BRINP3: variants seen among roughly 807,000 people sequenced by gnomAD.
BRINP3 encodes BMP/retinoic acid-inducible neural-specific protein 3.
Under a neutral mutation model 71.0 loss-of-function variants are expected in BRINP3, and 19 were observed. The observed-to-expected ratio is 0.27, with a 90% CI of 0.19 to 0.39. The LOEUF (loss-of-function observed/expected upper bound fraction) is 0.39, where lower values mean the gene tolerates loss of function less well. Ranked by LOEUF, BRINP3 falls within the 10% of genes least tolerant of loss-of-function variation. The pLI, the probability that BRINP3 is intolerant of heterozygous loss-of-function variation, is 1.00. For missense variants in BRINP3, 959 were observed against 940.8 expected, an observed-to-expected ratio of 1.02 and a Z score of -0.25; for synonymous variants, 380 against 337.7, an observed-to-expected ratio of 1.13 and a Z score of -1.37.
chr1:190,381,909 T>A (rs1670572992), intron 2 of BRINP3, among the ~76,000 whole-genome samples: 1 of 152,176 alleles, frequency 6.6e-6, no homozygotes, highest in African/African-American at 2.4e-5. Context: ...TTGTCAGAAT[T>A]AAGCCTAAAT....
intron 2 of BRINP3, among the ~76,000 whole-genome samples, chr1:190,373,432 ATATGTGTGTG>A (rs961845180): frequency 4.6e-5 from 6 of 130,412 alleles, no homozygotes; most frequent in Admixed American, 1.5e-4. Flanking sequence ...TTATATATAT[ATATGTGTGTG>A]TGTGTGTGTG....
chr1:190,215,124 C>T (rs909176366), intron 6 of BRINP3, among the ~76,000 whole-genome samples: 3 of 149,752 alleles, frequency 2.0e-5, no homozygotes, highest in Admixed American at 6.7e-5. Flanking sequence ...TGAAATCTTG[C>T]GTCTCCCCCA....
intron 2 of BRINP3, among the ~76,000 whole-genome samples, chr1:190,283,282 C>T (rs915412415): frequency 1.2e-4 from 18 of 151,982 alleles, no homozygotes; most frequent in Non-Finnish European, 2.1e-4. Flanking sequence ...CTATCAGAAT[C>T]ACCTGGAAAC....
At chr1:190,359,343 T>C (rs1668975788) in intron 2 of BRINP3, among the ~76,000 whole-genome samples, 1 of 152,034 alleles carries the variant, frequency 6.6e-6, no homozygotes. Context: ...ACTGACCATA[T>C]CAGAAAGACC....
intron 6 of BRINP3, among the ~76,000 whole-genome samples, chr1:190,184,124 C>G (rs1653291598): frequency 6.6e-6 from 1 of 152,138 alleles, no homozygotes; most frequent in South Asian, 2.1e-4. Context: ...TATTTCTTCT[C>G]ATGTCCTATA....
intron 2 of BRINP3, among the ~76,000 whole-genome samples, chr1:190,323,281 G>A (rs1206309771): frequency 1.3e-5 from 2 of 151,790 alleles, no homozygotes; most frequent in Non-Finnish European, 2.9e-5. Flanking sequence ...TTTCTTGTTA[G>A]CATAACTGGA....
intron 2 of BRINP3, among the ~76,000 whole-genome samples, chr1:190,438,879 A>G (rs1180214526): frequency 6.6e-6 from 1 of 151,902 alleles, no homozygotes; most frequent in Non-Finnish European, 1.5e-5. Context: ...TATCACCTCT[A>G]TTGTGGAAGT....
intron 2 of BRINP3, among the ~76,000 whole-genome samples, chr1:190,322,241 G>T (rs1666293141): frequency 6.6e-6 from 1 of 151,914 alleles, no homozygotes. Flanking sequence ...GTTCAGGAAG[G>T]GGCTGGGAAA....
At chr1:190,193,173 T>C (rs529048982) in intron 6 of BRINP3, among the ~76,000 whole-genome samples, 1 of 152,134 alleles carries the variant, frequency 6.6e-6, no homozygotes, top group Non-Finnish European at 1.5e-5. Flanking sequence ...CTGAATGACT[T>C]AATGGGCTTC....
chr1:190,378,145 G>A (rs1171339), intron 2 of BRINP3, among the ~76,000 whole-genome samples: 55,069 of 151,852 alleles, frequency 0.36, 11,030 homozygotes, highest in Admixed American at 0.48. Flanking sequence ...ACCAAACATG[G>A]AAATTACCTC....
intron 2 of BRINP3, among the ~76,000 whole-genome samples, chr1:190,308,608 A>G (rs916264118): frequency 3.9e-5 from 6 of 151,972 alleles, no homozygotes; most frequent in African/African-American, 9.6e-5. Flanking sequence ...AAACCTGCAC[A>G]TTGTGCACAT....
At chr1:190,249,738 G>A (rs1009033312) in intron 4 of BRINP3, among the ~76,000 whole-genome samples, 1 of 151,804 alleles carries the variant, frequency 6.6e-6, no homozygotes, top group African/African-American at 2.4e-5. Context: ...ACGTGAAGGT[G>A]AGAGTACATT....
At chr1:190,343,077 C>G (rs1191499891) in intron 2 of BRINP3, among the ~76,000 whole-genome samples, 1 of 151,640 alleles carries the variant, frequency 6.6e-6, no homozygotes, top group Non-Finnish European at 1.5e-5. Flanking sequence ...TACCATCAAT[C>G]AAAGTACAGG....
chr1:190,283,627 T>C (rs868016266), intron 2 of BRINP3, among the ~76,000 whole-genome samples: 3 of 148,708 alleles, frequency 2.0e-5, no homozygotes, highest in Non-Finnish European at 3.0e-5. Context: ...TGTATGTATA[T>C]GTATAATATA....
At position 190,419,690 on chromosome 1, in the gene BRINP3, T is replaced by TACACACACACAC. The variant is rs5779528; in HGVS notation, c.236+34953_236+34964dup. Among the ~76,000 whole-genome samples the TACACACACACAC allele has an allele frequency of 3.8e-4, 57 of 148,460 alleles. 2 individuals carry two copies. Among genetic ancestry groups the TACACACACACAC allele is most frequent in the Middle Eastern group, 3.4e-3 (1 of 290 alleles). The stretch of plus-strand genomic sequence containing the variant: ...AACGTTATATTCACATATACATTTA[T>TACACACACACAC]ACACACACACACACACACACACACA... On this transcript the variant is annotated intron_variant, in intron 2 of 7. Transcript: ENST00000367462.
chr1:190,344,944 G>A (rs1437477198), intron 2 of BRINP3, among the ~76,000 whole-genome samples: 3 of 151,820 alleles, frequency 2.0e-5, no homozygotes, highest in Non-Finnish European at 4.4e-5. Flanking sequence ...AGCACTGTGA[G>A]AACTATATAA....
chr1:190,298,724 C>T (rs1558157543), intron 2 of BRINP3, among the ~76,000 whole-genome samples: 1 of 152,056 alleles, frequency 6.6e-6, no homozygotes, highest in Non-Finnish European at 1.5e-5. Flanking sequence ...AGATTTGTCT[C>T]ATGACTCTTA....
chr1:190,108,339 C>CGT (rs368317554), intron 7 of BRINP3, among the ~76,000 whole-genome samples: 1,730 of 149,260 alleles, frequency 0.012, 21 homozygotes, highest in African/African-American at 0.024. Context: ...ATAAGCAAAT[C>CGT]GTGTGTGTGT....
rs1571873982 is a variant in BRINP3 at position 190,160,706 on chromosome 1, C to T, written c.1146G>A (p.Arg382=). ...IVHKLFSLSK[R]CHKQPLISLP... ...GGCTGATGAGGGGTTGTTTATGACA[C>T]CTCTTGCTAAGGCTAAAAAGCTTGT... Residue 382 remains arginine, a synonymous_variant, in exon 7 of 8, where the codon AGG becomes AGA. Transcript: ENST00000367462. 1.2e-6 allele frequency: 2 copies of T among 1,613,286 alleles called. No individual in the cohort carries two copies. Among genetic ancestry groups the T allele is most frequent in the African/African-American group, 1.3e-5 (1 of 74,866 alleles).
Sources: gnomAD v4.1 joint callset for allele counts (sites outside exome capture counted in the v4.1 genomes callset) on GRCh38, gnomAD v4.1.1 for gene constraint, MANE v1.5 for transcripts, NCBI Gene and HGNC (gene_info 2026-07-23, HGNC 2026-07-21) for gene names.